HEXB: variants seen among roughly 807,000 people sequenced by gnomAD.
The protein encoded by HEXB is beta-hexosaminidase subunit beta.
Under a neutral mutation model 71.2 loss-of-function variants are expected in HEXB, and 51 were observed. The ratio of observed to expected loss-of-function variants is 0.72; its 90% CI spans 0.57 to 0.90. HEXB has a LOEUF of 0.90. HEXB is among the 40% of genes least tolerant of loss of function. HEXB has a pLI of 0.00. For missense variants in HEXB, 617 were observed against 677.0 expected (o/e 0.91, Z 0.98); for synonymous variants, 266 against 249.3 (o/e 1.07, Z -0.63).
intron 1 of HEXB, among the ~76,000 whole-genome samples, chr5:74,644,763 C>CTTT (rs1747970041): frequency 2.0e-4 from 17 of 83,348 alleles, no homozygotes; most frequent in African/African-American, 8.2e-4. Context: ...TCTTTTTTTT[C>CTTT]CTTTTTTTTT....
In HEXB at chr5:74,652,124, C is replaced by T. The variant is rs565563943; in HGVS notation, c.-377+11566C>T. ...GAAATTAAAATGATGAACTCTTTTA[C>T]GTGAGTAGGTAATACATATGCATGG... is the stretch of plus-strand genomic sequence containing the variant. On this transcript the variant is annotated intron_variant, in intron 1 of 13. Coordinates refer to the HEXB transcript ENST00000511181. This position sits in a 1 kb window ranked among gnomAD's most constrained non-coding sequence, Gnocchi z 5.4. 5.7e-4 allele frequency among the ~76,000 whole-genome samples: 87 copies of T among 152,266 alleles called. No individual in the cohort carries two copies. Among genetic ancestry groups the T allele is most frequent in the Non-Finnish European group, 8.7e-4 (59 of 68,022 alleles).
chr5:74,699,820 G>A (rs951636834), intron 5 of HEXB, among the ~76,000 whole-genome samples: 2 of 151,970 alleles, frequency 1.3e-5, no homozygotes, highest in African/African-American at 2.4e-5. Context: ...TTCTAGACAG[G>A]TCGGTCATAG....
chr5:74,669,507 CT>C (rs1748494354), intron 1 of HEXB, among the ~76,000 whole-genome samples: 2 of 152,082 alleles, frequency 1.3e-5, no homozygotes, highest in Non-Finnish European at 2.9e-5. Flanking sequence ...TCAATTCTTC[CT>C]TTGCTATTTA....
At chr5:74,680,463 C>G (rs1225237590), upstream of HEXB, among the ~76,000 whole-genome samples, 1 of 152,182 alleles carries the variant, frequency 6.6e-6, no homozygotes, top group African/African-American at 2.4e-5. Context: ...CTTTAAGGAA[C>G]TGCATCCTAG....
Position 74,720,686 on chromosome 5 carries a change from G to A in HEXB, c.1552G>A (p.Asp518Asn). 6.2e-7 allele frequency: 1 copy of A among 1,614,184 alleles called. No individual in the cohort carries two copies. Among genetic ancestry groups the A allele is most frequent in the Non-Finnish European group, 8.5e-7 (1 of 1,180,034 alleles). ...AVGERLWSSK[D>N]VRDMDDAYDR... ...TGGTGAGAGACTCTGGAGTTCCAAA[G>A]ATGTCAGAGATATGGATGACGCCTA... The change falls in exon 13 of 14, where the codon GAT becomes AAT. Residue 518 changes from aspartate (D) to asparagine (N), a missense_variant. Asp to Asn is a conservative substitution (Grantham distance 23). Coordinates refer to ENST00000261416, the MANE Select transcript of HEXB (RefSeq NM_000521.4).
At chr5:74,677,344 A>G (rs768986895) in intron 1 of HEXB, among the ~76,000 whole-genome samples, 1 of 152,190 alleles carries the variant, frequency 6.6e-6, no homozygotes, top group Non-Finnish European at 1.5e-5. Context: ...CAGATTTCAC[A>G]TAGGTCAGAC....
In HEXB at chr5:74,706,610, G is replaced by A. The variant is rs369226613; in HGVS notation, c.771+1290G>A. ...TCCCACCCGAATACTGTGCTTTTCC[G>A]ACGGGCTTAGGAAACGGCACACCAG... On this transcript the variant is annotated intron_variant, in intron 6 of 13. Coordinates refer to ENST00000261416, the MANE Select transcript of HEXB (RefSeq NM_000521.4). Among the ~76,000 whole-genome samples, 565 of 152,288 alleles carry A rather than the reference G, an allele frequency of 3.7e-3. 6 individuals carry two copies. The highest frequency in any genetic ancestry group is 0.013 in the African/African-American group (532 of 41,572).
At chr5:74,712,676 G>A (rs1488723690) in intron 6 of HEXB, among the ~76,000 whole-genome samples, 2 of 152,046 alleles carry the variant, frequency 1.3e-5, no homozygotes, top group Non-Finnish European at 2.9e-5. Flanking sequence ...CCCACAGTCT[G>A]GGTTTTGCTG....
chr5:74,720,267 A>G (rs1749794112), intron 11 of HEXB, 161 bp from the exon 12 acceptor site: 1 of 656,474 alleles, frequency 1.5e-6, no homozygotes, highest in Admixed American at 2.4e-5. Context: ...AGGAGGGGCC[A>G]TCTTTTTTGT....
At chr5:74,685,785 C>T (rs1007126842) in intron 1 of HEXB, among the ~76,000 whole-genome samples, 16 of 152,086 alleles carry the variant, frequency 1.1e-4, no homozygotes, top group African/African-American at 3.9e-4. Flanking sequence ...GGTTTGAGAG[C>T]CGGATAGTAA....
At chr5:74,697,650 C>T (rs1423606349) in intron 5 of HEXB, among the ~76,000 whole-genome samples, 1 of 151,200 alleles carries the variant, frequency 6.6e-6, no homozygotes, top group Non-Finnish European at 1.5e-5. Flanking sequence ...TGCTTGAACC[C>T]TCCCCGGGTG....
chr5:74,677,359 C>T (rs1405863833), intron 1 of HEXB, among the ~76,000 whole-genome samples: 1 of 152,022 alleles, frequency 6.6e-6, no homozygotes, highest in Non-Finnish European at 1.5e-5. Context: ...TCAGACTGCT[C>T]TGAGATATTT....
Position 74,720,484 on chromosome 5 carries a change from T to A in HEXB, c.1474T>A (p.Tyr492Asn). ...IGGEACLWGE[Y>N]VDATNLTPRL... is the part of the protein sequence containing the mutation. Reference sequence around the variant, plus strand: ...TGGAGAAGCTTGTCTATGGGGAGAATATGTGGATGCAACTAACCTCACTCC... The same window carrying A: ...TGGAGAAGCTTGTCTATGGGGAGAAAATGTGGATGCAACTAACCTCACTCC... The change falls in exon 12 of 14, where the codon TAT becomes AAT. Residue 492 changes from tyrosine (Y) to asparagine (N), a missense_variant. Coordinates refer to ENST00000261416, the MANE Select transcript of HEXB (RefSeq NM_000521.4). The A allele has an allele frequency of 6.2e-7, 1 of 1,613,664 alleles. No individual in the cohort carries two copies. Among genetic ancestry groups the A allele is most frequent in the Non-Finnish European group, 8.5e-7 (1 of 1,179,556 alleles).
chr5:74,713,054 A>G (rs1749586486), intron 6 of HEXB, among the ~76,000 whole-genome samples: 1 of 152,226 alleles, frequency 6.6e-6, no homozygotes. Flanking sequence ...TCTAAAATTG[A>G]CAAGAGCAGT....
intron 5 of HEXB, 99 bp downstream of exon 5, chr5:74,697,205 G>T (rs1012582383): frequency 1.4e-6 from 1 of 722,094 alleles, no homozygotes; most frequent in African/African-American, 1.7e-5. Flanking sequence ...TGGAACAGGG[G>T]AATTTGTATA....
Position 74,696,985 on chromosome 5 carries a change from T to C in HEXB, c.559-11T>C, listed in dbSNP as rs1281727192. On this transcript the variant is annotated splice_polypyrimidine_tract_variant and intron_variant, in intron 4 of 13. Coordinates refer to ENST00000261416, the MANE Select transcript of HEXB (RefSeq NM_000521.4). ...ATTCTAAAACTAAATCAAAATTTTA[T>C]TTTGTCATAGTTCACCATCAATGAA... The C allele has an allele frequency of 1.9e-5, 27 of 1,412,938 alleles. No individual in the cohort carries two copies. Among genetic ancestry groups the C allele is most frequent in the Non-Finnish European group, 2.4e-5 (24 of 999,136 alleles). 87.5% of individuals were successfully genotyped at this position (1,412,938 alleles called of 1,614,324 possible).
intron 9 of HEXB, among the ~76,000 whole-genome samples, chr5:74,717,630 A>AT (rs1027641332): frequency 2.0e-5 from 3 of 150,994 alleles, no homozygotes; most frequent in East Asian, 1.9e-4. Flanking sequence ...ACCACATACA[A>AT]TTTTTTTTTA....
At chr5:74,664,421 T>G (rs1467430391) in intron 1 of HEXB, among the ~76,000 whole-genome samples, 1 of 69,010 alleles carries the variant, frequency 1.4e-5, no homozygotes, top group Non-Finnish European at 3.1e-5. Context: ...TAGAGCAAGA[T>G]TCTATCTCTA....
intron 1 of HEXB, among the ~76,000 whole-genome samples, chr5:74,677,398 A>G (rs571922757): frequency 1.3e-5 from 2 of 151,842 alleles, no homozygotes; most frequent in African/African-American, 4.8e-5. Context: ...AAGGAGAAAT[A>G]TGATAAATAT....
Sources: allele counts gnomAD v4.1 joint callset (sites outside exome capture counted in the v4.1 genomes callset), GRCh38; gene constraint gnomAD v4.1.1; non-coding constraint Gnocchi (gnomAD v3.1); transcripts MANE v1.5; gene names NCBI Gene and HGNC (gene_info 2026-07-23, HGNC 2026-07-21).